The following SLC7A6 variants were observed in gnomAD, a reference collection of about 807,000 sequenced individuals.
The protein encoded by SLC7A6 is solute carrier family 7 member 6, also known as Y+L amino acid transporter 2.
In SLC7A6, 29 loss-of-function variants were observed where a neutral mutation model predicts 46.6. The observed-to-expected ratio is 0.62, with a 90% CI of 0.46 to 0.85. The LOEUF is 0.85. Among genes scored for constraint, SLC7A6 ranks in the 40% least tolerant of loss-of-function variants. The pLI, the probability that SLC7A6 is intolerant of heterozygous loss-of-function variation, is 0.00. For synonymous variants in SLC7A6, 276 were observed against 257.3 expected (o/e 1.07, Z -0.70); for missense variants, 527 against 647.6 (o/e 0.81, Z 2.02).
intron 10 of SLC7A6, 110 bp from the exon 11 acceptor site, chr16:68,297,124 C>T: frequency 1.0e-6 from 1 of 992,076 alleles, no homozygotes; most frequent in Admixed American, 2.4e-5. Context: ...ATATAGGGTA[C>T]TTAAGGGGCA....
chr16:68,274,903 C>A lies in SLC7A6; in HGVS notation c.177C>A (p.Ile59=). The A allele has an allele frequency of 6.2e-7, 1 of 1,614,160 alleles. No homozygotes were observed. The highest frequency in any genetic ancestry group is 8.5e-7 in the Non-Finnish European group (1 of 1,180,020). The change falls in exon 3 of 11, where the codon ATC becomes ATA. Residue 59 remains isoleucine, a synonymous_variant. Coordinates refer to ENST00000219343, the MANE Select transcript of SLC7A6 (RefSeq NM_003983.6). ...NGVSLVVGNM[I]GSGIFVSPKG... ...TCAGCCTGGTGGTGGGCAACATGAT[C>A]GGCTCAGGGATCTTTGTCTCACCCA...
chr16:68,280,045 G>A (rs1337096299), intron 3 of SLC7A6, among the ~76,000 whole-genome samples: 2 of 152,226 alleles, frequency 1.3e-5, no homozygotes, highest in African/African-American at 4.8e-5. Context: ...TCCCTTCTTG[G>A]AACTTAGGTT....
rs773220315 is a variant in SLC7A6 at position 68,297,334 on chromosome 16, A to C, written c.*6A>C. On this transcript the variant is annotated 3_prime_UTR_variant, in exon 11 of 11. Coordinates refer to ENST00000219343, the MANE Select transcript of SLC7A6 (RefSeq NM_003983.6). ...ATGAGAGGAAAACTGACTAGAGGTC[A>C]GAGGTGGCTTTCTGAGGCCTGGAAG... 1 of 1,613,722 alleles carries C rather than the reference A, an allele frequency of 6.2e-7. No homozygotes were observed. Among genetic ancestry groups the C allele is most frequent in the Non-Finnish European group, 8.5e-7 (1 of 1,179,750 alleles).
rs746076964 is a variant in SLC7A6, at chr16:68,300,057, T to G, written c.*2729T>G. On this transcript the variant is annotated 3_prime_UTR_variant, in exon 11 of 11. Transcript: ENST00000219343. The stretch of plus-strand genomic sequence containing the variant: ...ACTCACCTTCCCCCATGACAGTGAG[T>G]AAGAGACACTCACAGGCTATGAGGG... The G allele has an allele frequency of 6.6e-6, 1 of 152,042 alleles. No individual in the cohort carries two copies. The highest frequency in any genetic ancestry group is 1.5e-5 in the Non-Finnish European group (1 of 68,020). 9.4% of individuals were successfully genotyped at this position (152,042 alleles called of 1,614,324 possible).
chr16:68,301,034 T>C lies in SLC7A6; in HGVS notation c.*3706T>C, dbSNP rs2043263227. The C allele has an allele frequency of 1.7e-6, 2 of 1,173,450 alleles. No homozygotes were observed. Among genetic ancestry groups the C allele is most frequent in the Non-Finnish European group, 2.1e-6 (2 of 951,354 alleles). 72.7% of individuals were successfully genotyped at this position (1,173,450 alleles called of 1,614,324 possible). On this transcript the variant is annotated 3_prime_UTR_variant, in exon 11 of 11. Coordinates refer to ENST00000219343, the MANE Select transcript of SLC7A6 (RefSeq NM_003983.6). ...AACCTTCCTTTTTTCAACGTTTTTTTTTCTTTCAAACTGTAGGGTCACTTT... is the reference window on the plus strand; with the variant it reads ...AACCTTCCTTTTTTCAACGTTTTTTCTTCTTTCAAACTGTAGGGTCACTTT...
intron 10 of SLC7A6, among the ~76,000 whole-genome samples, 161 bp downstream of exon 10, chr16:68,296,971 TC>T (rs1207998881): frequency 6.6e-6 from 1 of 152,158 alleles, no homozygotes; most frequent in African/African-American, 2.4e-5. Flanking sequence ...TCACTTTAGT[TC>T]TAATTTTAGT....
At chr16:68,284,275 T>G (rs554316007) in intron 3 of SLC7A6, 2 of 152,350 alleles carry the variant, frequency 1.3e-5, no homozygotes, top group East Asian at 3.9e-4. Context: ...CTAATCTTCT[T>G]TGCGTCGTTC....
rs2042683302 is a variant in SLC7A6, at chr16:68,274,973, G to A, written c.247G>A (p.Val83Met). 4 of 1,614,092 alleles carry A rather than the reference G, an allele frequency of 2.5e-6. No individual in the cohort carries two copies. The highest frequency in any genetic ancestry group is 3.3e-5 in the Admixed American group (2 of 60,000). The change falls in exon 3 of 11, where the codon GTG (valine) becomes ATG (methionine). Residue 83 changes from valine (V) to methionine (M), a missense_variant. Transcript: ENST00000219343. ...TGCCTCCTATGGGATGTCACTGATT[G>A]TGTGGGCCATTGGTGGGCTCTTCTC... is the stretch of plus-strand genomic sequence containing the variant. Reference protein sequence around the residue: ...HTASYGMSLIVWAIGGLFSVV... With the variant: ...HTASYGMSLIMWAIGGLFSVV...
intron 3 of SLC7A6, among the ~76,000 whole-genome samples, chr16:68,285,889 C>G (rs1205231907): frequency 6.6e-6 from 1 of 151,662 alleles, no homozygotes; most frequent in African/African-American, 2.4e-5. Context: ...CCCAGGAGTT[C>G]CAGACCAGCC....
chr16:68,270,254 T>G (rs2042603402), intron 2 of SLC7A6, among the ~76,000 whole-genome samples: 1 of 152,142 alleles, frequency 6.6e-6, no homozygotes, highest in Non-Finnish European at 1.5e-5. Flanking sequence ...AGTGGATCTT[T>G]CTGGGTGCTC....
rs546260395 is a variant in SLC7A6, at chr16:68,285,811, G to A, written c.524-1935G>A. On this transcript the variant is annotated intron_variant, in intron 3 of 10. Coordinates refer to ENST00000219343, the MANE Select transcript of SLC7A6 (RefSeq NM_003983.6). ...TTGGTGATGAGCTTAAGAAAACAAC[G>A]TGGCCAGGCATAGTGGCTCATGCCT... Among the ~76,000 whole-genome samples, 36 of 152,102 alleles carry A rather than the reference G, an allele frequency of 2.4e-4. 2 individuals carry two copies. Among genetic ancestry groups the A allele is most frequent in the Middle Eastern group, 6.8e-3 (2 of 294 alleles).
chr16:68,292,348 G>A (rs758665337), intron 7 of SLC7A6: 4 of 152,214 alleles, frequency 2.6e-5, no homozygotes, highest in African/African-American at 4.8e-5. Flanking sequence ...ACTTGGGCTC[G>A]GGGTTCCAGC....
chr16:68,270,180 T>C (rs2042601869), intron 2 of SLC7A6, among the ~76,000 whole-genome samples: 1 of 149,960 alleles, frequency 6.7e-6, no homozygotes, highest in Non-Finnish European at 1.5e-5. Context: ...GGAGTAGGGA[T>C]TTCTCTGTTG....
At chr16:68,293,223 C>G (rs2043093237) in intron 7 of SLC7A6, among the ~76,000 whole-genome samples, 1 of 152,132 alleles carries the variant, frequency 6.6e-6, no homozygotes, top group Admixed American at 6.6e-5. Context: ...CGAGACCAGC[C>G]TGACCAATAT....
At chr16:68,285,242 C>T (rs184865845) in intron 3 of SLC7A6, among the ~76,000 whole-genome samples, 1 of 152,256 alleles carries the variant, frequency 6.6e-6, no homozygotes, top group African/African-American at 2.4e-5. Context: ...CTGGGAGAGG[C>T]AATGTAACAG....
intron 3 of SLC7A6, among the ~76,000 whole-genome samples, chr16:68,281,743 G>A (rs1353449249): frequency 6.6e-6 from 1 of 152,234 alleles, no homozygotes; most frequent in African/African-American, 2.4e-5. Flanking sequence ...GACTGCAGAA[G>A]GGTGGTGTTT....
rs2043236437 is a variant in SLC7A6 at position 68,299,736 on chromosome 16, A to T, written c.*2408A>T. On this transcript the variant is annotated 3_prime_UTR_variant, in exon 11 of 11. Coordinates refer to ENST00000219343, the MANE Select transcript of SLC7A6 (RefSeq NM_003983.6). The stretch of plus-strand genomic sequence containing the variant: ...CTTTCAATCCTTTGTTTCTATGCCT[A>T]CAGACAGAAAGCAAGATGTCTAATA... 6.6e-6 allele frequency: 1 copy of T among 152,168 alleles called. No homozygotes were observed. The highest frequency in any genetic ancestry group is 1.5e-5 in the Non-Finnish European group (1 of 68,030). 9.4% of individuals were successfully genotyped at this position (152,168 alleles called of 1,614,324 possible). A position where few individuals can be genotyped will look rare whatever the true frequency, so the allele number is the denominator to read the frequency against.
intron 3 of SLC7A6, among the ~76,000 whole-genome samples, chr16:68,278,150 T>G (rs2042751602): frequency 6.6e-6 from 1 of 151,508 alleles, no homozygotes; most frequent in Non-Finnish European, 1.5e-5. Flanking sequence ...ACAGACGGGG[T>G]TTCACCATGT....
intron 3 of SLC7A6, among the ~76,000 whole-genome samples, chr16:68,282,608 C>T (rs1283955514): frequency 6.6e-6 from 1 of 151,408 alleles, no homozygotes; most frequent in Non-Finnish European, 1.5e-5. Flanking sequence ...GCCTTTCTTC[C>T]TTTCTTCCTT....
Sources: allele counts gnomAD v4.1 joint callset (sites outside exome capture counted in the v4.1 genomes callset), GRCh38; gene constraint gnomAD v4.1.1; transcripts MANE v1.5; gene names NCBI Gene and HGNC (gene_info 2026-07-23, HGNC 2026-07-21).